The following CNTNAP2 variants were observed in gnomAD, a reference collection of about 807,000 sequenced individuals.
CNTNAP2 encodes the protein contactin-associated protein-like 2.
Under a neutral mutation model 155.2 loss-of-function variants are expected in CNTNAP2, and 98 were observed. The ratio of observed to expected loss-of-function variants is 0.63; its 90% CI spans 0.54 to 0.75. CNTNAP2 has a LOEUF of 0.75. Ranked by LOEUF, CNTNAP2 falls within the 30% of genes least tolerant of loss-of-function variation. The pLI is 0.00. For synonymous variants in CNTNAP2, 651 were observed against 631.2 expected (o/e 1.03, Z -0.47); for missense variants, 1,727 against 1,688.1 (o/e 1.02, Z -0.40).
intron 13 of CNTNAP2, among the ~76,000 whole-genome samples, chr7:147,671,425 C>T (rs1275649885): frequency 6.6e-6 from 1 of 152,164 alleles, no homozygotes; most frequent in Non-Finnish European, 1.5e-5. Flanking sequence ...GGTCCTTCAG[C>T]TATAGACACA....
At chr7:147,702,531 C>T (rs1344851863) in intron 13 of CNTNAP2, among the ~76,000 whole-genome samples, 4 of 151,838 alleles carry the variant, frequency 2.6e-5, no homozygotes, top group African/African-American at 9.7e-5. Flanking sequence ...GACTTCTTCT[C>T]GGTGGGAAAA....
intron 12 of CNTNAP2, among the ~76,000 whole-genome samples, chr7:147,618,612 AAAG>A (rs1801335849): frequency 6.6e-6 from 1 of 151,470 alleles, no homozygotes; most frequent in South Asian, 2.1e-4. Flanking sequence ...ATAACATAGA[AAAG>A]AATCAGGAAA....
intron 4 of CNTNAP2, among the ~76,000 whole-genome samples, chr7:147,071,752 A>C (rs1277796456): frequency 1.3e-5 from 2 of 152,224 alleles, no homozygotes; most frequent in East Asian, 3.8e-4. Context: ...CAAGTTAATG[A>C]ATGACCAAAA....
intron 1 of CNTNAP2, among the ~76,000 whole-genome samples, chr7:146,189,782 C>T (rs1447039059): frequency 6.6e-6 from 1 of 152,134 alleles, no homozygotes; most frequent in Non-Finnish European, 1.5e-5. Context: ...AGATGTGATT[C>T]TTGAACACTT....
At chr7:146,826,187 A>T (rs1803396803) in intron 2 of CNTNAP2, among the ~76,000 whole-genome samples, 1 of 152,098 alleles carries the variant, frequency 6.6e-6, no homozygotes, top group Non-Finnish European at 1.5e-5. Context: ...ACTAGTTAGA[A>T]GATTTTCATT....
chr7:148,059,637 T>G (rs1399342506), intron 15 of CNTNAP2, among the ~76,000 whole-genome samples: 1 of 150,202 alleles, frequency 6.7e-6, no homozygotes, highest in Non-Finnish European at 1.5e-5. Flanking sequence ...CATCATGCTG[T>G]ATACTTATAA....
Position 147,468,300 on chromosome 7 carries a change from G to C in CNTNAP2, c.1671-17635G>C, listed in dbSNP as rs372318294. Among the ~76,000 whole-genome samples the C allele has an allele frequency of 6.6e-5, 10 of 152,068 alleles. No individual in the cohort carries two copies. In the South Asian group the frequency reaches 2.1e-3, roughly 32 times the overall value. Reference sequence around the variant, plus strand: ...GTCTCAAAAAAAAGAAAACAAAATAGAATACTTACAAATTTATGGTGTTTT... The same window carrying C: ...GTCTCAAAAAAAAGAAAACAAAATACAATACTTACAAATTTATGGTGTTTT... On this transcript the variant is annotated intron_variant, in intron 10 of 23. Transcript: ENST00000361727.
chr7:148,124,175 G>A (rs1804664192), intron 16 of CNTNAP2, among the ~76,000 whole-genome samples: 1 of 152,222 alleles, frequency 6.6e-6, no homozygotes, highest in Admixed American at 6.5e-5. Flanking sequence ...GCACCTCACA[G>A]GGGTGAGAGG....
In CNTNAP2 at chr7:147,839,989, A is replaced by G. The variant is rs368126958; in HGVS notation, c.2099-63576A>G. Among the ~76,000 whole-genome samples, 5 of 152,124 alleles carry G rather than the reference A, an allele frequency of 3.3e-5. No individual in the cohort carries two copies. The East Asian group carries it at 7.8e-4, about 24-fold the overall frequency. ...ACCATGGAATACTACTCAGCCATAA[A>G]CAAGAATGAAATCATGTCTTTTGGA... On this transcript the variant is annotated intron_variant, in intron 13 of 23. Transcript: ENST00000361727.
At chr7:148,304,955 C>T (rs1445773163) in intron 21 of CNTNAP2, among the ~76,000 whole-genome samples, 1 of 151,618 alleles carries the variant, frequency 6.6e-6, no homozygotes, top group Non-Finnish European at 1.5e-5. Flanking sequence ...GTGGTTCATT[C>T]CTATAATCCC....
In CNTNAP2 at chr7:146,258,656, A is replaced by C. The variant is rs555534871; in HGVS notation, c.97+141683A>C. Among the ~76,000 whole-genome samples, 24 of 152,232 alleles carry C rather than the reference A, an allele frequency of 1.6e-4. No individual in the cohort carries two copies. The South Asian group carries it at 4.6e-3, about 29-fold the overall frequency. ...GGTCAAAATATCCTGAGAGGAATAA[A>C]CTCTCTAAACTGTTTCTTCTGAAAC... On this transcript the variant is annotated intron_variant, in intron 1 of 23. Coordinates refer to ENST00000361727, the MANE Select transcript of CNTNAP2 (RefSeq NM_014141.6).
chr7:147,091,449 T>A (rs1027683495), intron 4 of CNTNAP2, among the ~76,000 whole-genome samples: 4 of 151,984 alleles, frequency 2.6e-5, no homozygotes, highest in African/African-American at 4.8e-5. Context: ...AACCATATAC[T>A]TTTTTCTTTT....
intron 4 of CNTNAP2, among the ~76,000 whole-genome samples, chr7:147,058,547 T>C (rs938401143): frequency 6.6e-6 from 1 of 152,192 alleles, no homozygotes; most frequent in East Asian, 1.9e-4. Context: ...ATCAATAAAA[T>C]AACTTTGCCC....
intron 11 of CNTNAP2, among the ~76,000 whole-genome samples, chr7:147,502,810 T>A (rs1471323950): frequency 1.3e-5 from 2 of 151,930 alleles, no homozygotes; most frequent in Non-Finnish European, 2.9e-5. Flanking sequence ...TTATTTGTCA[T>A]GTGTACCTCC....
chr7:146,903,832 G>A (rs1435201967), intron 3 of CNTNAP2, among the ~76,000 whole-genome samples: 1 of 152,078 alleles, frequency 6.6e-6, no homozygotes, highest in Non-Finnish European at 1.5e-5. Context: ...TAGTAATAAT[G>A]TATATCTCCA....
At chr7:147,581,905 T>C (rs1425000775) in intron 12 of CNTNAP2, among the ~76,000 whole-genome samples, 1 of 152,200 alleles carries the variant, frequency 6.6e-6, no homozygotes, top group African/African-American at 2.4e-5. Context: ...TGCCTATTTA[T>C]ACATATAAAT....
At chr7:148,238,106 T>A (rs1355700632) in intron 20 of CNTNAP2, among the ~76,000 whole-genome samples, 2 of 152,168 alleles carry the variant, frequency 1.3e-5, no homozygotes, top group Non-Finnish European at 2.9e-5. Context: ...ATCCCAGCAC[T>A]TCGGGAGGCC....
chr7:146,783,223 A>G (rs1353240881), intron 2 of CNTNAP2, among the ~76,000 whole-genome samples: 2 of 152,174 alleles, frequency 1.3e-5, no homozygotes, highest in African/African-American at 4.8e-5. Context: ...ACATGTAGTT[A>G]TAAGCCTCAT....
At chr7:148,261,734 C>T (rs1361350093) in intron 20 of CNTNAP2, among the ~76,000 whole-genome samples, 3 of 152,128 alleles carry the variant, frequency 2.0e-5, no homozygotes, top group Non-Finnish European at 4.4e-5. Context: ...TTCAGACACA[C>T]GTCCAGAGGT....
Sources: allele counts gnomAD v4.1 joint callset (sites outside exome capture counted in the v4.1 genomes callset), GRCh38; gene constraint gnomAD v4.1.1; transcripts MANE v1.5; gene names NCBI Gene and HGNC (gene_info 2026-07-23, HGNC 2026-07-21).